ZFYVE9: variants seen among roughly 807,000 people sequenced by gnomAD.
ZFYVE9 encodes the protein zinc finger FYVE-type containing 9, also known as zinc finger FYVE domain-containing protein 9.
In ZFYVE9, 43 loss-of-function variants were observed where a neutral mutation model predicts 126.7. The ratio of observed to expected loss-of-function variants is 0.34; its 90% confidence interval spans 0.27 to 0.44. The LOEUF is 0.44. Among genes scored for constraint, ZFYVE9 ranks in the 20% least tolerant of loss-of-function variants. ZFYVE9 has a pLI of 1.00. For synonymous variants in ZFYVE9, 521 were observed against 597.4 expected (o/e 0.87, Z 1.87); for missense variants, 1,476 against 1,697.0 (o/e 0.87, Z 2.29).
intron 17 of ZFYVE9, among the ~76,000 whole-genome samples, chr1:52,342,267 CTTT>C (rs35283062): frequency 3.8e-5 from 5 of 133,180 alleles, no homozygotes; most frequent in Non-Finnish European, 4.7e-5. Context: ...TATATTTTGC[CTTT>C]TTTTTTTTTT....
At chr1:52,309,281 A>T (rs1187771741) in intron 13 of ZFYVE9, among the ~76,000 whole-genome samples, 1 of 152,198 alleles carries the variant, frequency 6.6e-6, no homozygotes, top group Non-Finnish European at 1.5e-5. Context: ...TTTAAAGATC[A>T]GCCTGGGCAA....
At chr1:52,340,900 G>A (rs1235972873) in intron 17 of ZFYVE9, among the ~76,000 whole-genome samples, 1 of 64,064 alleles carries the variant, frequency 1.6e-5, no homozygotes, top group Non-Finnish European at 2.8e-5. Context: ...GCAAGACTCC[G>A]TCTCAAAAAA....
At chr1:52,264,524 A>G (rs1409347316) in intron 5 of ZFYVE9, among the ~76,000 whole-genome samples, 1 of 152,240 alleles carries the variant, frequency 6.6e-6, no homozygotes, top group Non-Finnish European at 1.5e-5. Context: ...TTAAGGGCAT[A>G]TTAGTTAAAA....
At chr1:52,173,558 A>G (rs1163805565) in intron 1 of ZFYVE9, among the ~76,000 whole-genome samples, 1 of 152,060 alleles carries the variant, frequency 6.6e-6, no homozygotes, top group Non-Finnish European at 1.5e-5. Context: ...TGTTGATTGG[A>G]ATAGTTTCAG....
At chr1:52,147,865 A>G (rs1189462934) in intron 1 of ZFYVE9, among the ~76,000 whole-genome samples, 1 of 151,980 alleles carries the variant, frequency 6.6e-6, no homozygotes, top group Non-Finnish European at 1.5e-5. Context: ...TCACGTCCTC[A>G]CCAACACTTG....
intron 1 of ZFYVE9, among the ~76,000 whole-genome samples, chr1:52,191,419 A>T (rs775850359): frequency 1.3e-5 from 2 of 152,224 alleles, no homozygotes; most frequent in African/African-American, 2.4e-5. Flanking sequence ...GGCTTTGAAG[A>T]TGCAGCCATG....
intron 1 of ZFYVE9, among the ~76,000 whole-genome samples, chr1:52,164,056 A>G (rs912101224): frequency 1.3e-5 from 2 of 151,324 alleles, no homozygotes; most frequent in African/African-American, 2.4e-5. Context: ...GGCTCAAGCC[A>G]TCTTCCCACC....
chr1:52,344,840 C>T lies in ZFYVE9; in HGVS notation c.4012C>T (p.His1338Tyr), dbSNP rs1343771265. The change falls in exon 18 of 19, where the codon CAT (histidine) becomes TAT (tyrosine). Residue 1338 changes from histidine to tyrosine, a missense_variant. Physicochemically the swap from His to Tyr is moderately conservative, Grantham distance 83. Coordinates refer to ENST00000287727, the MANE Select transcript of ZFYVE9 (RefSeq NM_004799.4). ...TGCAGATCACAGTAGATTGACTGAGCATGTTGCCAAAGCTTTTTGCCTTGC... is the reference window on the plus strand; with the variant it reads ...TGCAGATCACAGTAGATTGACTGAGTATGTTGCCAAAGCTTTTTGCCTTGC... Reference protein sequence around the residue: ...DPADHSRLTEHVAKAFCLALC... With the variant: ...DPADHSRLTEYVAKAFCLALC... 1 of 1,614,182 alleles carries T rather than the reference C, an allele frequency of 6.2e-7. No homozygotes were observed. The highest frequency in any genetic ancestry group is 8.5e-7 in the Non-Finnish European group (1 of 1,180,036).
chr1:52,261,218 C>A (rs976311006), intron 4 of ZFYVE9, among the ~76,000 whole-genome samples: 1 of 145,180 alleles, frequency 6.9e-6, no homozygotes, highest in Non-Finnish European at 1.5e-5. Flanking sequence ...TTTTCTTTTT[C>A]TTTCTTTCTT....
chr1:52,342,408 G>GGCGCCCGCTACC (rs1646445715), intron 17 of ZFYVE9, among the ~76,000 whole-genome samples: 1 of 151,748 alleles, frequency 6.6e-6, no homozygotes, highest in Admixed American at 6.6e-5. Flanking sequence ...TGGGATTACA[G>GGCGCCCGCTACC]GCGCCCGCTA....
intron 2 of ZFYVE9, among the ~76,000 whole-genome samples, chr1:52,219,095 A>T (rs1165895718): frequency 6.6e-6 from 1 of 151,766 alleles, no homozygotes; most frequent in African/African-American, 2.4e-5. Flanking sequence ...CCCAACTATA[A>T]CATAACCCCT....
chr1:52,202,405 A>C (rs568793817), intron 1 of ZFYVE9, among the ~76,000 whole-genome samples: 4 of 151,768 alleles, frequency 2.6e-5, no homozygotes, highest in Admixed American at 2.6e-4. Context: ...TTAGGCTCCC[A>C]AGTAGCTGGG....
At chr1:52,165,090 G>A (rs1195499440) in intron 1 of ZFYVE9, among the ~76,000 whole-genome samples, 4 of 152,028 alleles carry the variant, frequency 2.6e-5, no homozygotes, top group African/African-American at 9.7e-5. Flanking sequence ...TGGTAAATAT[G>A]TGTATTTTAC....
intron 13 of ZFYVE9, among the ~76,000 whole-genome samples, chr1:52,309,646 T>C (rs1256924976): frequency 5.3e-5 from 8 of 152,126 alleles, no homozygotes; most frequent in Non-Finnish European, 1.2e-4. Flanking sequence ...TTGTGGGATG[T>C]GAGGTTGTAC....
chr1:52,292,083 A>G (rs1011363220), intron 10 of ZFYVE9, among the ~76,000 whole-genome samples: 50 of 152,006 alleles, frequency 3.3e-4, no homozygotes, highest in African/African-American at 1.0e-3. Flanking sequence ...ATTTGAGACC[A>G]GTCTGGCCAA....
intron 17 of ZFYVE9, among the ~76,000 whole-genome samples, chr1:52,341,400 AGAG>A (rs1646436440): frequency 6.6e-6 from 1 of 152,238 alleles, no homozygotes; most frequent in Admixed American, 6.5e-5. Flanking sequence ...CCTGGGAATG[AGAG>A]GAGCAGGGCA....
chr1:52,273,305 C>T (rs944199002), intron 7 of ZFYVE9, among the ~76,000 whole-genome samples: 8 of 152,196 alleles, frequency 5.3e-5, no homozygotes, highest in Admixed American at 3.9e-4. Flanking sequence ...CCGCACCTGG[C>T]CTCTTTTAAC....
intron 1 of ZFYVE9, among the ~76,000 whole-genome samples, chr1:52,161,094 T>A (rs551763125): frequency 8.1e-4 from 124 of 152,326 alleles, no homozygotes; most frequent in African/African-American, 2.9e-3. Flanking sequence ...TTTCCCCACA[T>A]GTATCTTCTA....
At chr1:52,298,201 A>C (rs1320176994) in intron 12 of ZFYVE9, among the ~76,000 whole-genome samples, 2 of 151,866 alleles carry the variant, frequency 1.3e-5, no homozygotes, top group Non-Finnish European at 2.9e-5. Context: ...TGCTTTTGGG[A>C]TCTTATCTAA....
Sources: gnomAD v4.1 joint callset for allele counts (sites outside exome capture counted in the v4.1 genomes callset) on GRCh38, gnomAD v4.1.1 for gene constraint, MANE v1.5 for transcripts, NCBI Gene and HGNC (gene_info 2026-07-23, HGNC 2026-07-21) for gene names.